Variants in S100PBP observed in about 807,000 individuals in gnomAD.
S100PBP encodes S100P-binding protein.
A neutral mutation model predicts 39.9 loss-of-function variants in S100PBP; 15 were observed. The observed-to-expected ratio is 0.38, with a 90% CI of 0.25 to 0.58. S100PBP has a LOEUF of 0.58. Among genes scored for constraint, S100PBP ranks in the 20% least tolerant of loss-of-function variants. The probability of loss-of-function intolerance (pLI) is 0.70; values close to 1 mark genes in which losing one functional copy is unlikely to be tolerated. For missense variants in S100PBP, 504 were observed against 487.3 expected, an observed-to-expected ratio of 1.03 and a Z score of -0.32; for synonymous variants, 178 against 180.3, an observed-to-expected ratio of 0.99 and a Z score of 0.10.
chr1:32,819,326 G>C (rs1638932239), intron 1 of S100PBP, among the ~76,000 whole-genome samples: 2 of 152,216 alleles, frequency 1.3e-5, no homozygotes, highest in African/African-American at 2.4e-5. Context: ...CCAGCACTTG[G>C]GGAGGCCGAG....
intron 1 of S100PBP, among the ~76,000 whole-genome samples, chr1:32,820,935 C>T (rs1304107855): frequency 6.6e-6 from 1 of 152,124 alleles, no homozygotes; most frequent in Non-Finnish European, 1.5e-5. Flanking sequence ...ATGATCACGC[C>T]ACTGTTTTCT....
In S100PBP at chr1:32,817,654, C is replaced by T. The variant is rs2148621739; in HGVS notation, c.-155C>T. On this transcript the variant is annotated 5_prime_UTR_variant, in exon 1 of 7. Coordinates refer to ENST00000373475, the MANE Select transcript of S100PBP (RefSeq NM_022753.4). ...ATGGCGCAGGGGGCGGAGTGAGGCG[C>T]AGTCGTTCGCCCAGGCTTTGGCCCG... is the stretch of plus-strand genomic sequence containing the variant. 7.7e-6 allele frequency: 2 copies of T among 259,314 alleles called. No homozygotes were observed. Among genetic ancestry groups the T allele is most frequent in the East Asian group, 1.7e-4 (2 of 11,660 alleles). The allele number at this position is 259,314 out of a possible 1,614,324, so 16.1% of individuals were successfully genotyped here.
intron 5 of S100PBP, among the ~76,000 whole-genome samples, chr1:32,849,962 C>G (rs925246867): frequency 5.3e-5 from 8 of 152,052 alleles, no homozygotes; most frequent in Non-Finnish European, 1.0e-4. Flanking sequence ...TATAAACTAG[C>G]ACATAGGACA....
chr1:32,816,971 TGGACGCAAGA>T, upstream of S100PBP: 1 of 626,572 alleles, frequency 1.6e-6, no homozygotes, highest in Non-Finnish European at 2.8e-6. Context: ...ACAAGACAAC[TGGACGCAAGA>T]GGTGAGCCCA....
At chr1:32,821,384 C>T (rs1266801019) in intron 1 of S100PBP, among the ~76,000 whole-genome samples, 6 of 152,048 alleles carry the variant, frequency 3.9e-5, no homozygotes, top group Non-Finnish European at 8.8e-5. Flanking sequence ...TGCAGTGGCG[C>T]GGTCTGGGCT....
Position 32,827,790 on chromosome 1 carries a change from T to G in S100PBP, c.832-203T>G, listed in dbSNP as rs1396606324. ...GCCACTACACCTGGCCAGGTTTTTT[T>G]TTTTTTTTTTTTTTTTTAAGATTAC... On this transcript the variant is annotated intron_variant, in intron 3 of 6. Transcript: ENST00000373475. Among the ~76,000 whole-genome samples, 44 of 150,250 alleles carry G rather than the reference T, an allele frequency of 2.9e-4. 1 individual carries two copies. Among genetic ancestry groups the G allele is most frequent in the Admixed American group, 2.7e-3 (40 of 14,974 alleles).
In S100PBP at chr1:32,826,326, A is replaced by G. The variant is rs752160103; in HGVS notation, c.227A>G (p.Asp76Gly). 25 of 1,614,028 alleles carry G rather than the reference A, an allele frequency of 1.5e-5. No individual in the cohort carries two copies. Among genetic ancestry groups the G allele is most frequent in the African/African-American group, 4.0e-5 (3 of 74,924 alleles). Residue 76 changes from aspartate (D) to glycine (G), a missense_variant, in exon 3 of 7, where the codon GAT (aspartate) becomes GGT (glycine). Physicochemically the swap from Asp to Gly is moderately conservative, Grantham distance 94. Transcript: ENST00000373475. ...DPSYEQSSGEDDGGHVEKGER... is the reference protein window; with the variant it reads ...DPSYEQSSGEGDGGHVEKGER... ...TCATATGAGCAGTCTTCTGGGGAAG[A>G]TGATGGTGGGCATGTTGAGAAGGGA...
chr1:32,844,046 T>C (rs1640240608), intron 5 of S100PBP, among the ~76,000 whole-genome samples: 1 of 152,064 alleles, frequency 6.6e-6, no homozygotes, highest in African/African-American at 2.4e-5. Context: ...CCCGAGTAGC[T>C]GGGACTACAG....
intron 5 of S100PBP, chr1:32,837,008 G>T (rs1355635897): frequency 6.6e-6 from 1 of 151,682 alleles, no homozygotes; most frequent in African/African-American, 2.4e-5. Context: ...GGAGGCTGAG[G>T]TGGGCGGATC....
intron 1 of S100PBP, among the ~76,000 whole-genome samples, chr1:32,824,547 C>T (rs1639235018): frequency 6.6e-6 from 1 of 151,222 alleles, no homozygotes; most frequent in Non-Finnish European, 1.5e-5. Context: ...TAATAGTCAT[C>T]AATTTTTGTT....
chr1:32,842,204 CATATATATATATATATGT>C (rs1640134272), intron 5 of S100PBP, among the ~76,000 whole-genome samples: 2 of 56,350 alleles, frequency 3.5e-5, no homozygotes, highest in African/African-American at 6.9e-5. Context: ...AAAAAAAAAA[CATATATATATATATATGT>C]ATATATATAT....
chr1:32,844,104 CAG>C (rs1369241206), intron 5 of S100PBP, among the ~76,000 whole-genome samples: 4 of 151,898 alleles, frequency 2.6e-5, no homozygotes, highest in African/African-American at 9.7e-5. Context: ...TTAGTAGAGA[CAG>C]GGTTTCACCA....
rs183169111 is a variant in S100PBP at position 32,820,390 on chromosome 1, C to T, written c.-120+2701C>T. ...TGAACTCCTGACCTCAGGTGATCCA[C>T]CCACCTCAGCCTCCCAAAGTGCTGG... On this transcript the variant is annotated intron_variant, in intron 1 of 6. Coordinates refer to ENST00000373475, the MANE Select transcript of S100PBP (RefSeq NM_022753.4). Among the ~76,000 whole-genome samples, 1,399 of 152,210 alleles carry T rather than the reference C, an allele frequency of 9.2e-3. 75 individuals are homozygous for T. Among genetic ancestry groups the T allele is most frequent in the Admixed American group, 0.077 (1,183 of 15,274 alleles).
chr1:32,827,022 A>G (rs546323400), intron 3 of S100PBP, 92 bp downstream of exon 3: 2 of 815,386 alleles, frequency 2.5e-6, no homozygotes, highest in South Asian at 1.9e-5. Flanking sequence ...ATCTCCACAC[A>G]TACACAACTT....
intron 5 of S100PBP, chr1:32,843,004 C>T (rs376647139): frequency 6.6e-6 from 1 of 152,252 alleles, no homozygotes; most frequent in East Asian, 1.9e-4. Flanking sequence ...TCCAATTTAT[C>T]CCGGAGTGTT....
At chr1:32,824,659 C>G (rs1470710310) in intron 1 of S100PBP, among the ~76,000 whole-genome samples, 1 of 151,714 alleles carries the variant, frequency 6.6e-6, no homozygotes, top group Non-Finnish European at 1.5e-5. Context: ...ACCTCCCATC[C>G]TCAAGTGATC....
At chr1:32,849,079 C>T (rs915597113) in intron 5 of S100PBP, among the ~76,000 whole-genome samples, 3 of 152,138 alleles carry the variant, frequency 2.0e-5, no homozygotes, top group Non-Finnish European at 4.4e-5. Flanking sequence ...ATTATTAGCC[C>T]CACCTGGGTT....
In S100PBP at chr1:32,856,888, T is replaced by C. The variant is rs952583364; in HGVS notation, c.*850T>C. On this transcript the variant is annotated 3_prime_UTR_variant, in exon 7 of 7. Coordinates refer to ENST00000373475, the MANE Select transcript of S100PBP (RefSeq NM_022753.4). ...TTTAGGATTCTAGTGGCAGTATTCTTGTAACCTGTTAGACGTGGATATACC... is the reference window on the plus strand; with the variant it reads ...TTTAGGATTCTAGTGGCAGTATTCTCGTAACCTGTTAGACGTGGATATACC... The C allele has an allele frequency of 2.0e-5, 3 of 152,216 alleles. No individual in the cohort carries two copies. Among genetic ancestry groups the C allele is most frequent in the African/African-American group, 7.2e-5 (3 of 41,452 alleles). 9.4% of individuals were successfully genotyped at this position (152,216 alleles called of 1,614,324 possible).
chr1:32,818,005 C>G (rs1343446715), intron 1 of S100PBP: 1 of 152,626 alleles, frequency 6.6e-6, no homozygotes, highest in Non-Finnish European at 1.5e-5. Context: ...CCGCCTCTGT[C>G]CCGGCCGGCT....
Sources: allele counts gnomAD v4.1 joint callset (sites outside exome capture counted in the v4.1 genomes callset), GRCh38; gene constraint gnomAD v4.1.1; transcripts MANE v1.5; gene names NCBI Gene and HGNC (gene_info 2026-07-23, HGNC 2026-07-21).